CNTNAP5: variants seen among roughly 807,000 people sequenced by gnomAD.
CNTNAP5 encodes the protein contactin associated protein family member 5.
Under a neutral mutation model 150.2 loss-of-function variants are expected in CNTNAP5, and 72 were observed. The observed-to-expected ratio is 0.48, with a 90% confidence interval of 0.40 to 0.58. CNTNAP5 has a LOEUF of 0.58. CNTNAP5 is among the 20% of genes least tolerant of loss of function. The probability of loss-of-function intolerance (pLI) is 0.00; values close to 1 mark genes in which losing one functional copy is unlikely to be tolerated. For missense variants in CNTNAP5, 1,636 were observed against 1,626.2 expected, an observed-to-expected ratio of 1.01 and a Z score of -0.10; for synonymous variants, 672 against 619.8, an observed-to-expected ratio of 1.08 and a Z score of -1.25.
intron 10 of CNTNAP5, among the ~76,000 whole-genome samples, chr2:124,545,388 C>A (rs935305562): frequency 6.6e-6 from 1 of 152,058 alleles, no homozygotes; most frequent in African/African-American, 2.4e-5. Context: ...ATGAAACCCC[C>A]AAGTTCTGTG....
intron 11 of CNTNAP5, among the ~76,000 whole-genome samples, chr2:124,598,476 C>G (rs1310994859): frequency 1.4e-5 from 2 of 146,754 alleles, no homozygotes; most frequent in African/African-American, 5.0e-5. Flanking sequence ...GGTCAGGGAC[C>G]CACTTGAGGA....
At chr2:124,475,771 A>G (rs1573399184) in intron 7 of CNTNAP5, among the ~76,000 whole-genome samples, 1 of 152,080 alleles carries the variant, frequency 6.6e-6, no homozygotes, top group Non-Finnish European at 1.5e-5. Flanking sequence ...TAACCTGCCT[A>G]TGTAATCATT....
chr2:124,370,440 G>A (rs1162393868), intron 3 of CNTNAP5, among the ~76,000 whole-genome samples: 2 of 152,104 alleles, frequency 1.3e-5, no homozygotes, highest in Non-Finnish European at 2.9e-5. Flanking sequence ...CTCAAATGAA[G>A]TGACTACTAG....
In CNTNAP5 at chr2:124,897,731, G is replaced by A. The variant is rs562317772; in HGVS notation, c.3437-5151G>A. 5.9e-5 allele frequency among the ~76,000 whole-genome samples: 9 copies of A among 151,656 alleles called. No individual in the cohort carries two copies. The South Asian group carries it at 1.7e-3, about 28-fold the overall frequency. On this transcript the variant is annotated intron_variant, in intron 21 of 23. Coordinates refer to ENST00000682447, the MANE Select transcript of CNTNAP5 (RefSeq NM_001367498.1). ...AAAAAAAAGGGTGGAGGGGGCCTATGGCCATGAAACCTAGGTTTCAGGCCT... is the reference window on the plus strand; with the variant it reads ...AAAAAAAAGGGTGGAGGGGGCCTATAGCCATGAAACCTAGGTTTCAGGCCT...
chr2:124,551,350 A>C (rs1338192412), intron 10 of CNTNAP5, among the ~76,000 whole-genome samples: 6 of 152,150 alleles, frequency 3.9e-5, no homozygotes, highest in African/African-American at 1.2e-4. Context: ...TAATTACAAC[A>C]AATTTAAATT....
chr2:124,159,890 C>A lies in CNTNAP5; in HGVS notation c.83-61815C>A, dbSNP rs573697540. Among the ~76,000 whole-genome samples, 4 of 152,170 alleles carry A rather than the reference C, an allele frequency of 2.6e-5. No individual in the cohort carries two copies. The South Asian group carries it at 8.3e-4, about 32-fold the overall frequency. ...TTTTAAAGGACTCGAGGGATAAATGCATTTGAAGAAGGAGAATAACTAGGA... is the reference window on the plus strand; with the variant it reads ...TTTTAAAGGACTCGAGGGATAAATGAATTTGAAGAAGGAGAATAACTAGGA... On this transcript the variant is annotated intron_variant, in intron 1 of 23. Coordinates refer to ENST00000682447, the MANE Select transcript of CNTNAP5 (RefSeq NM_001367498.1).
At position 124,025,774 on chromosome 2, in the gene CNTNAP5, C is replaced by G. The variant is rs761555887; in HGVS notation, c.82+42C>G. On this transcript the variant is annotated intron_variant, in intron 1 of 23. Coordinates refer to ENST00000682447, the MANE Select transcript of CNTNAP5 (RefSeq NM_001367498.1). ...GGGGGCGGGAAGGTGAGGTGGAAAA[C>G]GATCGCATTCAGAAAGACAATCAAC... 197 of 1,453,324 alleles carry G rather than the reference C, an allele frequency of 1.4e-4. 1 individual carries two copies. Among genetic ancestry groups the G allele is most frequent in the Non-Finnish European group, 1.7e-4 (174 of 1,033,514 alleles). 90.0% of individuals were successfully genotyped at this position (1,453,324 alleles called of 1,614,324 possible). A position where few individuals can be genotyped will look rare whatever the true frequency, so the allele number is the denominator to read the frequency against.
intron 10 of CNTNAP5, among the ~76,000 whole-genome samples, chr2:124,537,063 A>G (rs1227726217): frequency 2.6e-5 from 4 of 151,948 alleles, no homozygotes; most frequent in Non-Finnish European, 1.5e-5. Context: ...AAAGAGAGAG[A>G]GAGACAGAGA....
chr2:124,616,127 G>A (rs938681017), intron 12 of CNTNAP5, among the ~76,000 whole-genome samples: 9 of 152,102 alleles, frequency 5.9e-5, no homozygotes, highest in African/African-American at 1.9e-4. Context: ...ATGAGCATTA[G>A]CACTTGCATT....
intron 21 of CNTNAP5, among the ~76,000 whole-genome samples, chr2:124,896,578 AC>A (rs1413093475): frequency 1.3e-5 from 2 of 151,146 alleles, no homozygotes; most frequent in African/African-American, 4.9e-5. Flanking sequence ...TGCTCTTGTC[AC>A]CCAGGCTGGA....
intron 3 of CNTNAP5, among the ~76,000 whole-genome samples, chr2:124,260,876 T>C (rs1402969295): frequency 1.3e-5 from 2 of 152,194 alleles, no homozygotes; most frequent in African/African-American, 2.4e-5. Context: ...GTCATACTTA[T>C]AGACACACGT....
rs1453591531 is a variant in CNTNAP5 at position 124,025,522 on chromosome 2, A to C, written c.-129A>C. Reference sequence around the variant, plus strand: ...GTCTGGGCACGGGATGGAGTGAAAGAGCGAGTGCCTCTCCAAGCGGGGGTG... The same window carrying C: ...GTCTGGGCACGGGATGGAGTGAAAGCGCGAGTGCCTCTCCAAGCGGGGGTG... On this transcript the variant is annotated 5_prime_UTR_variant, in exon 1 of 24. Transcript: ENST00000682447. The C allele has an allele frequency of 6.9e-6, 5 of 726,862 alleles. No homozygotes were observed. The highest frequency in any genetic ancestry group is 1.6e-5 in the South Asian group (1 of 62,156). 45.0% of individuals were successfully genotyped at this position (726,862 alleles called of 1,614,324 possible).
intron 21 of CNTNAP5, among the ~76,000 whole-genome samples, chr2:124,894,099 C>A (rs1054303098): frequency 2.0e-5 from 3 of 152,198 alleles, no homozygotes; most frequent in Middle Eastern, 3.4e-3. Flanking sequence ...TGGTTGCCTA[C>A]CCAGCATCCA....
At chr2:124,674,876 T>A (rs2105061873) in intron 13 of CNTNAP5, among the ~76,000 whole-genome samples, 1 of 152,192 alleles carries the variant, frequency 6.6e-6, no homozygotes, top group East Asian at 1.9e-4. Context: ...ATAAATTCAT[T>A]AAATCTTGTT....
intron 10 of CNTNAP5, among the ~76,000 whole-genome samples, chr2:124,546,963 C>G (rs1006651418): frequency 1.3e-5 from 2 of 152,102 alleles, no homozygotes; most frequent in Non-Finnish European, 2.9e-5. Context: ...AGTTTGACAC[C>G]TGGTAGAGAA....
chr2:124,538,112 T>C (rs1489299729), intron 10 of CNTNAP5, among the ~76,000 whole-genome samples: 3 of 152,214 alleles, frequency 2.0e-5, no homozygotes, highest in Non-Finnish European at 4.4e-5. Context: ...GACATGCATG[T>C]CAACGTATCA....
At chr2:124,463,672 C>T (rs1050715160) in intron 6 of CNTNAP5, among the ~76,000 whole-genome samples, 1 of 152,150 alleles carries the variant, frequency 6.6e-6, no homozygotes, top group African/African-American at 2.4e-5. Flanking sequence ...CCAGGTTTCC[C>T]AGAATGGAGA....
At chr2:124,318,281 A>T (rs1183227927) in intron 3 of CNTNAP5, among the ~76,000 whole-genome samples, 4 of 152,258 alleles carry the variant, frequency 2.6e-5, no homozygotes, top group Non-Finnish European at 5.9e-5. Flanking sequence ...TTTTAAAAAC[A>T]TTAACATCTA....
chr2:124,554,919 A>T (rs754874039), intron 10 of CNTNAP5, among the ~76,000 whole-genome samples: 1 of 152,172 alleles, frequency 6.6e-6, no homozygotes, highest in Non-Finnish European at 1.5e-5. Context: ...GAAAAATGAG[A>T]TATTCATTGT....
Sources: gnomAD v4.1 joint callset for allele counts (sites outside exome capture counted in the v4.1 genomes callset) on GRCh38, gnomAD v4.1.1 for gene constraint, MANE v1.5 for transcripts, NCBI Gene and HGNC (gene_info 2026-07-23, HGNC 2026-07-21) for gene names.